The following MAP7D3 variants were observed in gnomAD, a reference collection of about 807,000 sequenced individuals.
The protein encoded by MAP7D3 is MAP7 domain containing 3.
A neutral mutation model predicts 62.2 loss-of-function variants in MAP7D3; 45 were observed. The ratio of observed to expected loss-of-function variants is 0.72; its 90% CI spans 0.57 to 0.93. The LOEUF (loss-of-function observed/expected upper bound fraction) is 0.93, where lower values mean the gene tolerates loss of function less well. Among genes scored for constraint, MAP7D3 ranks in the 40% least tolerant of loss-of-function variants. The pLI is 0.00. For synonymous variants in MAP7D3, 288 were observed against 248.8 expected, an observed-to-expected ratio of 1.16 and a Z score of -1.48; for missense variants, 711 against 683.1, an observed-to-expected ratio of 1.04 and a Z score of -0.45.
Position 136,220,029 on chromosome X carries a change from T to G in MAP7D3, c.2487-358A>C, listed in dbSNP as rs753205565. Among the ~76,000 whole-genome samples, 13 of 112,293 alleles carry G rather than the reference T, an allele frequency of 1.2e-4. No individual in the cohort carries two copies. The South Asian group carries it at 2.6e-3, about 23-fold the overall frequency. ...AATGCTCCTTCCACATCATCACACCTCTCAGCAGACTCCTGTTCCTGTGGG... is the reference window on the plus strand; with the variant it reads ...AATGCTCCTTCCACATCATCACACCGCTCAGCAGACTCCTGTTCCTGTGGG... On this transcript the variant is annotated intron_variant, in intron 16 of 18. Coordinates refer to ENST00000316077, the MANE Select transcript of MAP7D3 (RefSeq NM_024597.4).
chrX:136,248,750 C>A (rs1433070273), intron 1 of MAP7D3, among the ~76,000 whole-genome samples: 2 of 112,144 alleles, frequency 1.8e-5, no homozygotes, highest in African/African-American at 6.5e-5. Context: ...TCATGTAATT[C>A]TTACAACAAT....
Position 136,217,185 on chromosome X carries a change from G to A in MAP7D3, c.*1341C>T, listed in dbSNP as rs759794912. ...AATTTTATGGAATCATATACTGTGT[G>A]TGCATACATACGTGTATGTACATCT... is the stretch of plus-strand genomic sequence containing the variant. On this transcript the variant is annotated 3_prime_UTR_variant, in exon 19 of 19. Coordinates refer to ENST00000316077, the MANE Select transcript of MAP7D3 (RefSeq NM_024597.4). 7.1e-5 allele frequency: 8 copies of A among 112,202 alleles called. No homozygotes were observed. The highest frequency in any genetic ancestry group is 1.3e-4 in the African/African-American group (4 of 30,835). 9.2% of individuals were successfully genotyped at this position (112,202 alleles called of 1,213,427 possible). A position where few individuals can be genotyped will look rare whatever the true frequency, so the allele number is the denominator to read the frequency against.
upstream of MAP7D3, among the ~76,000 whole-genome samples, chrX:136,253,698 ACTT>A (rs755125788): frequency 3.6e-5 from 4 of 112,115 alleles, no homozygotes; most frequent in East Asian, 2.8e-4. Context: ...AGGAAAATGC[ACTT>A]CTTCTTAAGA....
intron 14 of MAP7D3, among the ~76,000 whole-genome samples, chrX:136,222,849 T>G (rs1376426184): frequency 4.6e-5 from 5 of 108,370 alleles, no homozygotes; most frequent in East Asian, 2.9e-4. Context: ...TTTTTTTTTT[T>G]GGGAGAGGGG....
rs748897851 is a variant in MAP7D3, at chrX:136,219,475, T to C, written c.2586A>G (p.Gly862=). The part of the protein sequence containing the change: ...SRSSAQTKSE[G]FHDILPKSSD... ...AGGACTTTGGCAAGATGTCATGGAA[T>C]CCTTCAGATTTTGTTTGTGCCTGTC... Residue 862 remains glycine (G), a synonymous_variant, in exon 18 of 19, where the codon GGA becomes GGG. Transcript: ENST00000316077. 1.3e-5 allele frequency: 16 copies of C among 1,205,692 alleles called. No individual in the cohort carries two copies. In the African/African-American group the frequency reaches 2.8e-4, roughly 21 times the overall value.
upstream of MAP7D3, among the ~76,000 whole-genome samples, chrX:136,255,740 C>G (rs775954312): frequency 3.6e-5 from 4 of 110,932 alleles, no homozygotes; most frequent in East Asian, 1.1e-3. Flanking sequence ...GGCGGCTCCT[C>G]TCCTCTCCTC....
chrX:136,231,089 G>GCAATTTT lies in MAP7D3; in HGVS notation c.1414-130_1414-124dup, dbSNP rs1487535454. 4.1e-5 allele frequency: 19 copies of GCAATTTT among 466,661 alleles called. No homozygotes were observed. In the East Asian group the frequency reaches 7.5e-4, roughly 18 times the overall value. The allele number at this position is 466,661 out of a possible 1,213,427, so 38.5% of individuals were successfully genotyped here. On this transcript the variant is annotated intron_variant, in intron 8 of 18. Coordinates refer to ENST00000316077, the MANE Select transcript of MAP7D3 (RefSeq NM_024597.4). ...AAACACAATTAGAATTCTTTAAACT[G>GCAATTTT]CAATTTTCTTTTAGAGTATGAGAAT...
chrX:136,251,433 G>C (rs949651294), upstream of MAP7D3: 14 of 903,546 alleles, frequency 1.5e-5, no homozygotes, highest in Non-Finnish European at 6.8e-6. Context: ...CGCTTGGGTC[G>C]TGGCCGGGCT....
chrX:136,252,246 G>C (rs143238586), upstream of MAP7D3, among the ~76,000 whole-genome samples: 8,506 of 111,118 alleles, frequency 0.077, 325 homozygotes, highest in Middle Eastern at 0.16. Flanking sequence ...GACCACTTGT[G>C]AGATGGGCAC....
rs186700757 is a variant in MAP7D3 at position 136,245,761 on chromosome X, A to C, written c.253+304T>G. The stretch of plus-strand genomic sequence containing the variant: ...GACTCCGCCTCAAAACAAAACAAAA[A>C]AAAAAGAATCACTTTTACTGAAATC... On this transcript the variant is annotated intron_variant, in intron 3 of 18. Coordinates refer to ENST00000316077, the MANE Select transcript of MAP7D3 (RefSeq NM_024597.4). Among the ~76,000 whole-genome samples, 517 of 111,128 alleles carry C rather than the reference A, an allele frequency of 4.7e-3. 2 individuals are homozygous for C. The highest frequency in any genetic ancestry group is 6.8e-3 in the Non-Finnish European group (362 of 52,968).
chrX:136,215,448 G>A (rs972775445), downstream of MAP7D3, among the ~76,000 whole-genome samples: 13 of 112,006 alleles, frequency 1.2e-4, no homozygotes, highest in African/African-American at 4.2e-4. Context: ...ATGTCTGACG[G>A]TCTGTCACTG....
In MAP7D3 at chrX:136,250,379, A is replaced by T. The variant is rs187576617; in HGVS notation, c.70+910T>A. ...CTAAAAGCAACCTCCTGAAAGGAAG[A>T]AATCCTATCTCAGGTAGTGGAGCAG... is the stretch of plus-strand genomic sequence containing the variant. On this transcript the variant is annotated intron_variant, in intron 1 of 18. Coordinates refer to ENST00000316077, the MANE Select transcript of MAP7D3 (RefSeq NM_024597.4). Among the ~76,000 whole-genome samples the T allele has an allele frequency of 8.3e-4, 93 of 112,383 alleles. 1 individual carries two copies. Among genetic ancestry groups the T allele is most frequent in the African/African-American group, 2.9e-3 (89 of 30,968 alleles).
rs770690540 is a variant in MAP7D3 at position 136,251,201 on chromosome X, G to C, written c.70+88C>G. On this transcript the variant is annotated intron_variant, in intron 1 of 18. Coordinates refer to ENST00000316077, the MANE Select transcript of MAP7D3 (RefSeq NM_024597.4). The stretch of plus-strand genomic sequence containing the variant: ...TCCAGGGAAAAGTTTTGTGGCGCCC[G>C]CTGCGCCGCTCCGACGGCCCGGGGA... 13 of 816,331 alleles carry C rather than the reference G, an allele frequency of 1.6e-5. No homozygotes were observed. In the East Asian group the frequency reaches 3.4e-4, roughly 21 times the overall value. The allele number at this position is 816,331 out of a possible 1,213,427, so 67.3% of individuals were successfully genotyped here. A position where few individuals can be genotyped will look rare whatever the true frequency, so the allele number is the denominator to read the frequency against.
rs2148417192 is a variant in MAP7D3, at chrX:136,241,078, C to T, written c.535+82G>A. ...TTAGGATACAAACACTAAAATCTTG[C>T]TGTAAATGCAAGCTTCTACTCATAG... On this transcript the variant is annotated intron_variant, in intron 5 of 18. Coordinates refer to ENST00000316077, the MANE Select transcript of MAP7D3 (RefSeq NM_024597.4). 1.6e-5 allele frequency: 9 copies of T among 550,396 alleles called. No homozygotes were observed. The East Asian group carries it at 3.5e-4, about 22-fold the overall frequency. The allele number at this position is 550,396 out of a possible 1,213,427, so 45.4% of individuals were successfully genotyped here.
In MAP7D3 at chrX:136,232,006, T is replaced by A; in HGVS notation, c.951A>T (p.Thr317=). The change falls in exon 8 of 19, where the codon ACA becomes ACT. Residue 317 remains threonine, a synonymous_variant. Coordinates refer to ENST00000316077, the MANE Select transcript of MAP7D3 (RefSeq NM_024597.4). ...PQVNVEVFCN[T]SMEASPKAGV... ...CTGCCTTGGGGGACGCTTCCATGCT[T>A]GTGTTGCAGAATACTTCCACATTCA... 2 of 1,211,271 alleles carry A rather than the reference T, an allele frequency of 1.7e-6. No homozygotes were observed. Among genetic ancestry groups the A allele is most frequent in the South Asian group, 3.5e-5 (2 of 56,984 alleles).
In MAP7D3 at chrX:136,244,343, C is replaced by A. The variant is rs189618662; in HGVS notation, c.417+289G>T. 1.5e-4 allele frequency among the ~76,000 whole-genome samples: 17 copies of A among 111,475 alleles called. No individual in the cohort carries two copies. The East Asian group carries it at 4.0e-3, about 26-fold the overall frequency. ...GTAAACAGAGCCACTCAGAACAAAC[C>A]CCAGGCCACAGGTACCTCATGTGCC... is the stretch of plus-strand genomic sequence containing the variant. On this transcript the variant is annotated intron_variant, in intron 4 of 18. Transcript: ENST00000316077.
chrX:136,215,868 A>G (rs1337124357), downstream of MAP7D3, among the ~76,000 whole-genome samples: 13 of 111,704 alleles, frequency 1.2e-4, no homozygotes, highest in Non-Finnish European at 1.9e-4. Flanking sequence ...TCCTCATCCA[A>G]GGTGAGCACT....
At chrX:136,243,258 T>C (rs1318943761) in intron 4 of MAP7D3, among the ~76,000 whole-genome samples, 2 of 110,690 alleles carry the variant, frequency 1.8e-5, no homozygotes, top group African/African-American at 3.3e-5. Context: ...TACAACACAC[T>C]GAGAGAATGG....
upstream of MAP7D3, chrX:136,256,176 T>C: frequency 1.8e-6 from 2 of 1,122,486 alleles, no homozygotes. Flanking sequence ...CCTGCATCTG[T>C]TGTAGCTTGA....
Sources: gnomAD v4.1 joint callset for allele counts (sites outside exome capture counted in the v4.1 genomes callset) on GRCh38, gnomAD v4.1.1 for gene constraint, MANE v1.5 for transcripts, NCBI Gene and HGNC (gene_info 2026-07-23, HGNC 2026-07-21) for gene names.